NEMP2: variants seen among roughly 807,000 people sequenced by gnomAD.
NEMP2 encodes nuclear envelope integral membrane protein 2.
In NEMP2, 53 loss-of-function variants were observed where a neutral mutation model predicts 54.2. The ratio of observed to expected loss-of-function variants is 0.98; its 90% CI spans 0.78 to 1.23. The LOEUF is 1.23. NEMP2 is among the 50% of genes most tolerant of loss of function. The pLI is 0.00. For synonymous variants in NEMP2, 197 were observed against 190.3 expected, an observed-to-expected ratio of 1.04 and a Z score of -0.29; for missense variants, 455 against 511.3, an observed-to-expected ratio of 0.89 and a Z score of 1.06.
At chr2:190,469,982 T>A in the NEMP2 span, 1 of 647,704 alleles carries the variant, frequency 1.5e-6, no homozygotes, top group Non-Finnish European at 2.6e-6. This position sits in a 1 kb window ranked among gnomAD's most constrained non-coding sequence, Gnocchi z 5.3. Flanking sequence ...GATTTTGAAG[T>A]GGTTGTTAAG....
At chr2:190,424,189 A>G in the NEMP2 span, among the ~76,000 whole-genome samples, 2 of 150,812 alleles carry the variant, frequency 1.3e-5, no homozygotes, top group African/African-American at 4.9e-5. This position sits in a 1 kb window ranked among gnomAD's most constrained non-coding sequence, Gnocchi z 5.9. Flanking sequence ...ATCGGTGTCA[A>G]GTCTAAAAAC....
the NEMP2 span, among the ~76,000 whole-genome samples, chr2:190,458,641 G>A: frequency 5.3e-5 from 8 of 152,118 alleles, no homozygotes; most frequent in African/African-American, 7.2e-5. The surrounding 1 kb of genome is among the most constrained non-coding windows in gnomAD (Gnocchi z 5.3). Flanking sequence ...TTGCTTGACC[G>A]TTTCTAGAGA....
the NEMP2 span, among the ~76,000 whole-genome samples, chr2:190,586,314 C>G: frequency 1.3e-5 from 2 of 152,114 alleles, no homozygotes; most frequent in African/African-American, 4.8e-5. The surrounding 1 kb of genome is among the most constrained non-coding windows in gnomAD (Gnocchi z 4.5). Flanking sequence ...TAAGTACCCC[C>G]GAAGTCAGTT....
rs936051948 is a variant in NEMP2, at chr2:190,506,913, T to C, written c.*2276A>G. The C allele has an allele frequency of 2.0e-5, 3 of 152,124 alleles. No homozygotes were observed. The highest frequency in any genetic ancestry group is 2.9e-5 in the Non-Finnish European group (2 of 68,044). The allele number at this position is 152,124 out of a possible 1,614,324, so 9.4% of individuals were successfully genotyped here. ...ACCTGTGAAGGGCAGAGCCATTTTA[T>C]TGAGTGGTCGTTTAAACTGTTCAAA... On this transcript the variant is annotated 3_prime_UTR_variant, in exon 9 of 9. Transcript: ENST00000409150. This position sits in a 1 kb window ranked among gnomAD's most constrained non-coding sequence, Gnocchi z 6.3.
the NEMP2 span, among the ~76,000 whole-genome samples, chr2:190,611,524 G>A: frequency 6.6e-6 from 1 of 152,116 alleles, no homozygotes; most frequent in Non-Finnish European, 1.5e-5. This position sits in a 1 kb window ranked among gnomAD's most constrained non-coding sequence, Gnocchi z 5.4. Context: ...AACCCACTGT[G>A]CTTTTATTTT....
chr2:190,435,701 C>T, the NEMP2 span, among the ~76,000 whole-genome samples: 43 of 152,296 alleles, frequency 2.8e-4, no homozygotes, highest in African/African-American at 3.1e-4. Flanking sequence ...TGTACATTTT[C>T]CCTGGGAATC....
intron 6 of NEMP2, among the ~76,000 whole-genome samples, chr2:190,515,401 AC>A (rs1366462558): frequency 2.0e-5 from 3 of 152,230 alleles, no homozygotes; most frequent in African/African-American, 7.2e-5. Flanking sequence ...AATTTACAGG[AC>A]AAAACAGATA....
At chr2:190,634,207 C>T in the NEMP2 span, among the ~76,000 whole-genome samples, 2 of 152,220 alleles carry the variant, frequency 1.3e-5, no homozygotes, top group Admixed American at 1.3e-4. The surrounding 1 kb of genome is among the most constrained non-coding windows in gnomAD (Gnocchi z 6.8). Context: ...CCCACATACC[C>T]AGCATCCATA....
chr2:190,462,644 A>G, the NEMP2 span, among the ~76,000 whole-genome samples: 1 of 152,040 alleles, frequency 6.6e-6, no homozygotes, highest in African/African-American at 2.4e-5. The surrounding 1 kb of genome is among the most constrained non-coding windows in gnomAD (Gnocchi z 5.7). Flanking sequence ...GTAGCAGAGG[A>G]ACAGCGGGGG....
chr2:190,598,154 C>G, the NEMP2 span, among the ~76,000 whole-genome samples: 1 of 152,108 alleles, frequency 6.6e-6, no homozygotes, highest in East Asian at 1.9e-4. Context: ...ATAGGACAAA[C>G]AAAAACATTT....
the NEMP2 span, among the ~76,000 whole-genome samples, chr2:190,622,619 T>C: frequency 2.0e-5 from 3 of 152,150 alleles, no homozygotes; most frequent in African/African-American, 7.2e-5. Context: ...AGTGGTTTCT[T>C]AGATATGACA....
chr2:190,538,410 T>C (rs1691446567), upstream of NEMP2, among the ~76,000 whole-genome samples: 1 of 152,230 alleles, frequency 6.6e-6, no homozygotes, highest in Admixed American at 6.5e-5. This position sits in a 1 kb window ranked among gnomAD's most constrained non-coding sequence, Gnocchi z 4.1. Flanking sequence ...GTTTTGTCTA[T>C]TGTGAATAGT....
At chr2:190,640,295 T>C in the NEMP2 span, among the ~76,000 whole-genome samples, 1 of 152,234 alleles carries the variant, frequency 6.6e-6, no homozygotes, top group South Asian at 2.1e-4. Context: ...TATGGACATG[T>C]TGCAACTCTT....
the NEMP2 span, among the ~76,000 whole-genome samples, chr2:190,556,677 C>T: frequency 1.3e-5 from 2 of 152,148 alleles, no homozygotes; most frequent in African/African-American, 2.4e-5. Flanking sequence ...CATTCCTATA[C>T]ACCAATAGCA....
rs1690409760 is a variant in NEMP2, at chr2:190,512,699, G to A, written c.953+1754C>T. Among the ~76,000 whole-genome samples, 1 of 152,208 alleles carries A rather than the reference G, an allele frequency of 6.6e-6. No homozygotes were observed. Among genetic ancestry groups the A allele is most frequent in the Admixed American group, 6.5e-5 (1 of 15,288 alleles). On this transcript the variant is annotated intron_variant, in intron 7 of 8. Transcript: ENST00000409150. This position sits in a 1 kb window ranked among gnomAD's most constrained non-coding sequence, Gnocchi z 4.5. ...CCTCAGGCCACAAGCCTGGCAAAGG[G>A]CCAGGGACCTGGAAGATGTTGGGGG...
At chr2:190,544,046 G>T in the NEMP2 span, among the ~76,000 whole-genome samples, 1 of 152,092 alleles carries the variant, frequency 6.6e-6, no homozygotes, top group African/African-American at 2.4e-5. Flanking sequence ...CTTTGATAAA[G>T]AAAAATTTAG....
At chr2:190,498,096 G>A in the NEMP2 span, 1 of 179,328 alleles carries the variant, frequency 5.6e-6, no homozygotes, top group African/African-American at 2.4e-5. This position sits in a 1 kb window ranked among gnomAD's most constrained non-coding sequence, Gnocchi z 5.9. Flanking sequence ...ATAAATATTT[G>A]TTGAATTAAT....
the NEMP2 span, among the ~76,000 whole-genome samples, chr2:190,476,458 C>T: frequency 6.6e-6 from 1 of 152,164 alleles, no homozygotes; most frequent in Admixed American, 6.5e-5. Flanking sequence ...AAAAAATGCT[C>T]ATCATCACTG....
In NEMP2 at chr2:190,529,313, C is replaced by T. The variant is rs1173449316; in HGVS notation, c.98-3935G>A. On this transcript the variant is annotated intron_variant, in intron 1 of 8. Coordinates refer to ENST00000409150, the MANE Select transcript of NEMP2 (RefSeq NM_001142645.2). The surrounding 1 kb of genome is among the most constrained non-coding windows in gnomAD (Gnocchi z 4.7). ...CCAGGGACCTGAGTGCCTCTATGAC[C>T]TTCCCTCCTCCACCTTCCCTCCCAG... Among the ~76,000 whole-genome samples, 2 of 152,018 alleles carry T rather than the reference C, an allele frequency of 1.3e-5. No homozygotes were observed. Among genetic ancestry groups the T allele is most frequent in the Non-Finnish European group, 2.9e-5 (2 of 68,024 alleles).
Sources: allele counts gnomAD v4.1 joint callset (sites outside exome capture counted in the v4.1 genomes callset), GRCh38; gene constraint gnomAD v4.1.1; non-coding constraint Gnocchi (gnomAD v3.1); transcripts MANE v1.5; gene names NCBI Gene and HGNC (gene_info 2026-07-23, HGNC 2026-07-21).